Variants in SYT9 observed in about 807,000 individuals in gnomAD.
The protein encoded by SYT9 is synaptotagmin-9.
Under a neutral mutation model 48.4 loss-of-function variants are expected in SYT9, and 22 were observed. The observed-to-expected ratio is 0.45, with a 90% confidence interval of 0.32 to 0.65. The LOEUF is 0.65. Among genes scored for constraint, SYT9 ranks in the 30% least tolerant of loss-of-function variants. SYT9 has a pLI of 0.03. For synonymous variants in SYT9, 265 were observed against 245.0 expected (o/e 1.08, Z -0.76); for missense variants, 577 against 622.0 (o/e 0.93, Z 0.77).
chr11:7,415,998 G>T, intron 3 of SYT9, 44 bp from the exon 4 acceptor site: 1 of 1,613,072 alleles, frequency 6.2e-7, no homozygotes, highest in Non-Finnish European at 8.5e-7. Flanking sequence ...TGCACACCAG[G>T]CTGGAGACAC....
At chr11:7,438,960 G>C (rs1054453268) in intron 6 of SYT9, 1 of 152,172 alleles carries the variant, frequency 6.6e-6, no homozygotes, top group Non-Finnish European at 1.5e-5. Flanking sequence ...TCCAGCTGTG[G>C]GCAGTCTTTG....
intron 3 of SYT9, among the ~76,000 whole-genome samples, chr11:7,347,782 C>T (rs187266964): frequency 4.6e-5 from 7 of 152,318 alleles, no homozygotes; most frequent in Non-Finnish European, 8.8e-5. Flanking sequence ...GGATCAAGAA[C>T]TGAGTGAGGA....
At chr11:7,450,855 T>G (rs982358943) in intron 6 of SYT9, among the ~76,000 whole-genome samples, 1 of 152,234 alleles carries the variant, frequency 6.6e-6, no homozygotes, top group Non-Finnish European at 1.5e-5. Flanking sequence ...GTCAAGCGGC[T>G]TTGAAGACAC....
At chr11:7,280,479 G>C (rs1328048017) in intron 1 of SYT9, among the ~76,000 whole-genome samples, 1 of 152,226 alleles carries the variant, frequency 6.6e-6, no homozygotes, top group Non-Finnish European at 1.5e-5. Context: ...TGTTTACAAA[G>C]TAATGTCTAC....
At chr11:7,389,846 A>G (rs1030595463) in intron 3 of SYT9, among the ~76,000 whole-genome samples, 1 of 152,142 alleles carries the variant, frequency 6.6e-6, no homozygotes, top group African/African-American at 2.4e-5. Flanking sequence ...AAAAAAACCT[A>G]CATAAGAATG....
intron 1 of SYT9, among the ~76,000 whole-genome samples, chr11:7,243,975 AG>A (rs1439038869): frequency 6.6e-6 from 1 of 151,326 alleles, no homozygotes; most frequent in Non-Finnish European, 1.5e-5. Context: ...CTGTTGGTGG[AG>A]GGTACTGAGG....
chr11:7,465,594 G>A (rs1352148409), intron 6 of SYT9, among the ~76,000 whole-genome samples: 1 of 152,222 alleles, frequency 6.6e-6, no homozygotes, highest in East Asian at 1.9e-4. Flanking sequence ...TAAGTCTGGG[G>A]CTTCCTTAAG....
intron 1 of SYT9, among the ~76,000 whole-genome samples, chr11:7,273,808 C>A (rs1848338403): frequency 6.6e-6 from 1 of 152,048 alleles, no homozygotes; most frequent in Admixed American, 6.5e-5. Flanking sequence ...GAACAGAAAA[C>A]CAAACACTGC....
chr11:7,467,140 A>G lies in SYT9; in HGVS notation c.*340A>G. The G allele has an allele frequency of 3.5e-6, 1 of 289,648 alleles. No individual in the cohort carries two copies. The highest frequency in any genetic ancestry group is 6.4e-6 in the Non-Finnish European group (1 of 156,354). The allele number at this position is 289,648 out of a possible 1,614,324, so 17.9% of individuals were successfully genotyped here. A position where few individuals can be genotyped will look rare whatever the true frequency, so the allele number is the denominator to read the frequency against. On this transcript the variant is annotated 3_prime_UTR_variant, in exon 7 of 7. Transcript: ENST00000318881. Reference sequence around the variant, plus strand: ...TCATATGAAGCCCTTGGTGATGAGGACATAGCATCTGCCCTGGAAATCGTT... The same window carrying G: ...TCATATGAAGCCCTTGGTGATGAGGGCATAGCATCTGCCCTGGAAATCGTT...
chr11:7,403,455 G>A (rs1380507641), intron 3 of SYT9, among the ~76,000 whole-genome samples: 1 of 152,130 alleles, frequency 6.6e-6, no homozygotes, highest in Non-Finnish European at 1.5e-5. Flanking sequence ...GTAAGGTTAA[G>A]GTGGGAGGAT....
At chr11:7,323,810 G>A (rs1367869018) in intron 3 of SYT9, among the ~76,000 whole-genome samples, 7 of 151,958 alleles carry the variant, frequency 4.6e-5, no homozygotes, top group Admixed American at 6.6e-5. Context: ...GTGTGTATGC[G>A]TGTGTGTGTT....
chr11:7,386,529 C>T (rs542250271), intron 3 of SYT9, among the ~76,000 whole-genome samples: 1 of 152,114 alleles, frequency 6.6e-6, no homozygotes, highest in East Asian at 1.9e-4. Flanking sequence ...TTTATGCAGC[C>T]AAAAGACACA....
chr11:7,295,502 A>G (rs1848784251), intron 1 of SYT9, among the ~76,000 whole-genome samples: 1 of 152,202 alleles, frequency 6.6e-6, no homozygotes, highest in African/African-American at 2.4e-5. Context: ...TGGGCACATA[A>G]GTATTCTGCA....
intron 6 of SYT9, among the ~76,000 whole-genome samples, chr11:7,422,725 T>C (rs1847377833): frequency 6.6e-6 from 1 of 152,054 alleles, no homozygotes; most frequent in Non-Finnish European, 1.5e-5. Flanking sequence ...TGAGCCCTGA[T>C]TCATGCACAA....
intron 6 of SYT9, chr11:7,440,769 A>G (rs1316685908): frequency 6.6e-6 from 1 of 152,262 alleles, no homozygotes; most frequent in African/African-American, 2.4e-5. Flanking sequence ...AGATACCAGA[A>G]TAAATCATTC....
At chr11:7,376,302 C>A (rs369457366) in intron 3 of SYT9, among the ~76,000 whole-genome samples, 7 of 148,760 alleles carry the variant, frequency 4.7e-5, no homozygotes, top group Admixed American at 1.4e-4. Flanking sequence ...CTCTTTATCT[C>A]TTCCTTTCTC....
At chr11:7,247,494 T>C (rs969275343), upstream of SYT9, among the ~76,000 whole-genome samples, 1 of 149,780 alleles carries the variant, frequency 6.7e-6, no homozygotes, top group African/African-American at 2.5e-5. Context: ...TACACACACA[T>C]ATATATACAC....
chr11:7,426,804 C>CA, intron 6 of SYT9, among the ~76,000 whole-genome samples: 1 of 152,266 alleles, frequency 6.6e-6, no homozygotes, highest in Non-Finnish European at 1.5e-5. Flanking sequence ...ACCTATGACT[C>CA]ACGCTCAGAC....
At position 7,303,213 on chromosome 11, in the gene SYT9, A is replaced by G. The variant is rs780040782; in HGVS notation, c.320A>G (p.Asn107Ser). Residue 107 changes from asparagine to serine, a missense_variant, in exon 2 of 7, where the codon AAT (asparagine) becomes AGT (serine). Coordinates refer to ENST00000318881, the MANE Select transcript of SYT9 (RefSeq NM_175733.4). ...EPLNYMDTET[N>S]EQENSEDFLD... The stretch of plus-strand genomic sequence containing the variant: ...CTTAACTACATGGACACAGAGACCA[A>G]TGAGCAGGAGAACAGTGAGGACTTC... 6.2e-7 allele frequency: 1 copy of G among 1,614,134 alleles called. No homozygotes were observed. The highest frequency in any genetic ancestry group is 8.5e-7 in the Non-Finnish European group (1 of 1,180,012).
Sources: gnomAD v4.1 joint callset for allele counts (sites outside exome capture counted in the v4.1 genomes callset) on GRCh38, gnomAD v4.1.1 for gene constraint, MANE v1.5 for transcripts, NCBI Gene and HGNC (gene_info 2026-07-23, HGNC 2026-07-21) for gene names.